The following PBX3 variants were observed in gnomAD, a reference collection of about 807,000 sequenced individuals.
PBX3 encodes the protein pre-B-cell leukemia transcription factor 3.
Under a neutral mutation model 48.5 loss-of-function variants are expected in PBX3, and 14 were observed. That is an observed-to-expected ratio of 0.29 (90% CI 0.19 to 0.45). PBX3 has a LOEUF of 0.45. Ranked by LOEUF, PBX3 falls within the 20% of genes least tolerant of loss-of-function variation. The probability of loss-of-function intolerance (pLI) is 1.00; values close to 1 mark genes in which losing one functional copy is unlikely to be tolerated. For missense variants in PBX3, 386 were observed against 546.7 expected, an observed-to-expected ratio of 0.71 and a Z score of 2.93; for synonymous variants, 210 against 200.3, an observed-to-expected ratio of 1.05 and a Z score of -0.41.
At chr9:125,805,350 A>T (rs1264543120) in intron 2 of PBX3, among the ~76,000 whole-genome samples, 1 of 152,186 alleles carries the variant, frequency 6.6e-6, no homozygotes. Context: ...GAGCCATGTG[A>T]TGCAGGGGGT....
At chr9:125,854,413 G>A (rs918088592) in intron 2 of PBX3, among the ~76,000 whole-genome samples, 4 of 152,090 alleles carry the variant, frequency 2.6e-5, no homozygotes, top group African/African-American at 9.6e-5. Flanking sequence ...GGGATTACAA[G>A]GTGTGTGCCA....
At chr9:125,818,837 G>T (rs7021819) in intron 2 of PBX3, among the ~76,000 whole-genome samples, 36,821 of 150,644 alleles carry the variant, frequency 0.24, 4,913 homozygotes, top group African/African-American at 0.35. Flanking sequence ...TGATGATGAT[G>T]ATTATTATTA....
chr9:125,892,400 AAGC>A (rs1840669042), intron 2 of PBX3, among the ~76,000 whole-genome samples: 1 of 152,152 alleles, frequency 6.6e-6, no homozygotes, highest in African/African-American at 2.4e-5. Flanking sequence ...TAAAATCAGA[AAGC>A]AGAAGTGATA....
chr9:125,890,827 G>A (rs1840623913), intron 2 of PBX3, among the ~76,000 whole-genome samples: 2 of 152,144 alleles, frequency 1.3e-5, no homozygotes, highest in African/African-American at 2.4e-5. Flanking sequence ...AAAAAAAGAA[G>A]CCTTGCCCCT....
intron 2 of PBX3, among the ~76,000 whole-genome samples, chr9:125,890,161 G>C (rs1840607760): frequency 6.6e-6 from 1 of 152,150 alleles, no homozygotes; most frequent in South Asian, 2.1e-4. Flanking sequence ...AAACATCTGG[G>C]CTGCTGCCGA....
At chr9:125,900,078 CT>C (rs929405350) in intron 2 of PBX3, among the ~76,000 whole-genome samples, 16 of 151,592 alleles carry the variant, frequency 1.1e-4, no homozygotes, top group African/African-American at 3.9e-4. Flanking sequence ...TAAAACTTAA[CT>C]TTAATAGTAA....
intron 5 of PBX3, among the ~76,000 whole-genome samples, chr9:125,946,521 G>A (rs958573810): frequency 3.9e-5 from 6 of 152,052 alleles, no homozygotes; most frequent in African/African-American, 1.4e-4. Context: ...AATTCTGTCA[G>A]GGAATTGGAA....
intron 3 of PBX3, among the ~76,000 whole-genome samples, chr9:125,928,857 G>A: frequency 6.6e-6 from 1 of 152,190 alleles, no homozygotes; most frequent in Non-Finnish European, 1.5e-5. Context: ...TACAGAGATG[G>A]CTTATATCCA....
At chr9:125,754,602 A>C (rs1021961088) in intron 2 of PBX3, among the ~76,000 whole-genome samples, 1 of 152,042 alleles carries the variant, frequency 6.6e-6, no homozygotes, top group Non-Finnish European at 1.5e-5. Flanking sequence ...GAACATATTA[A>C]AAAATAAATT....
chr9:125,871,500 A>G (rs1287437542), intron 2 of PBX3, among the ~76,000 whole-genome samples: 2 of 152,228 alleles, frequency 1.3e-5, no homozygotes, highest in Admixed American at 6.5e-5. Flanking sequence ...ACTCTTCCAC[A>G]TTCAAGAACA....
At chr9:125,789,866 A>G (rs1435741337) in intron 2 of PBX3, among the ~76,000 whole-genome samples, 1 of 152,136 alleles carries the variant, frequency 6.6e-6, no homozygotes, top group East Asian at 1.9e-4. Flanking sequence ...AAGCTTTACT[A>G]GTGTTTAAAA....
At chr9:125,949,273 A>C in intron 5 of PBX3, 1 of 1,403,892 alleles carries the variant, frequency 7.1e-7, no homozygotes. Flanking sequence ...GGGGTTAATG[A>C]AATCATGTAT....
At chr9:125,933,504 T>A (rs1376786022) in intron 4 of PBX3, among the ~76,000 whole-genome samples, 1 of 152,188 alleles carries the variant, frequency 6.6e-6, no homozygotes, top group African/African-American at 2.4e-5. Context: ...TTGATCCTCC[T>A]TTCATACGTC....
chr9:125,830,607 A>G (rs746066657), intron 2 of PBX3, among the ~76,000 whole-genome samples: 1 of 152,162 alleles, frequency 6.6e-6, no homozygotes, highest in East Asian at 1.9e-4. Context: ...ATCCTCTATA[A>G]TAGTAATAAT....
In PBX3 at chr9:125,962,146, A is replaced by T. The variant is rs751118814; in HGVS notation, c.1054A>T (p.Met352Leu). Residue 352 changes from methionine (M) to leucine (L), a missense_variant, in exon 7 of 9, where the codon ATG becomes TTG. Physicochemically the swap from Met to Leu is conservative, Grantham distance 15. Around this residue, in one of 4 missense-constraint regions of PBX3, gnomAD observed 127 missense variants for 143.3 expected, o/e 0.89. Transcript: ENST00000373489. ...FNLPNSGDMF[M>L]NMQSLNGDSY... ...CCTCCCAAATTCTGGGGACATGTTC[A>T]TGAACATGCAGAGTCTGAATGGGGA... 1.2e-6 allele frequency: 2 copies of T among 1,613,332 alleles called. No homozygotes were observed. Among genetic ancestry groups the T allele is most frequent in the East Asian group, 4.5e-5 (2 of 44,866 alleles).
chr9:125,802,610 C>A (rs931123501), intron 2 of PBX3, among the ~76,000 whole-genome samples: 1 of 152,014 alleles, frequency 6.6e-6, no homozygotes, highest in African/African-American at 2.4e-5. Context: ...TTCAAGCCAT[C>A]CGCCTGCTCA....
intron 2 of PBX3, among the ~76,000 whole-genome samples, chr9:125,878,557 C>G (rs1437815589): frequency 2.0e-5 from 3 of 152,208 alleles, no homozygotes; most frequent in Non-Finnish European, 4.4e-5. Context: ...TTTGTATATT[C>G]ATGACCCAGC....
chr9:125,872,413 G>A (rs1176378011), intron 2 of PBX3, among the ~76,000 whole-genome samples: 3 of 152,122 alleles, frequency 2.0e-5, no homozygotes, highest in Non-Finnish European at 4.4e-5. Context: ...AAAGTTGATG[G>A]TAAGATGATG....
At chr9:125,768,708 A>G (rs988439237) in intron 2 of PBX3, among the ~76,000 whole-genome samples, 5 of 152,342 alleles carry the variant, frequency 3.3e-5, no homozygotes, top group African/African-American at 1.2e-4. Flanking sequence ...ATATGAAGAA[A>G]TATCTGGCCT....
Sources: gnomAD v4.1 joint callset for allele counts (sites outside exome capture counted in the v4.1 genomes callset) on GRCh38, gnomAD v4.1.1 for gene constraint, gnomAD v4.1.1 regional missense constraint, MANE v1.5 for transcripts, NCBI Gene and HGNC (gene_info 2026-07-23, HGNC 2026-07-21) for gene names.